The following TEFM variants were observed in gnomAD, a reference collection of about 807,000 sequenced individuals.
TEFM encodes transcription elongation factor of mitochondria.
A neutral mutation model predicts 23.0 loss-of-function variants in TEFM; 14 were observed. The ratio of observed to expected loss-of-function variants is 0.61; its 90% CI spans 0.40 to 0.95. The LOEUF (loss-of-function observed/expected upper bound fraction) is 0.95, where lower values mean the gene tolerates loss of function less well. TEFM is among the 40% of genes least tolerant of loss of function. The pLI, the probability that TEFM is intolerant of heterozygous loss-of-function variation, is 0.00. For missense variants in TEFM, 386 were observed against 425.5 expected (o/e 0.91, Z 0.82); for synonymous variants, 155 against 158.3 (o/e 0.98, Z 0.16).
chr17:30,903,622 A>C (rs900060961), intron 2 of TEFM, among the ~76,000 whole-genome samples: 5 of 152,058 alleles, frequency 3.3e-5, no homozygotes, highest in African/African-American at 1.2e-4. Flanking sequence ...TCTGCCGGAA[A>C]GACTGGTATA....
chr17:30,903,617 C>T (rs1380343304), intron 2 of TEFM, among the ~76,000 whole-genome samples: 5 of 151,402 alleles, frequency 3.3e-5, no homozygotes, highest in Non-Finnish European at 7.4e-5. Flanking sequence ...TAAATTCTGC[C>T]GGAAAGACTG....
chr17:30,906,113 A>G (rs2142478719), intron 1 of TEFM, 55 bp downstream of exon 1: 1 of 1,418,374 alleles, frequency 7.1e-7, no homozygotes, highest in Middle Eastern at 1.9e-4. Flanking sequence ...ATTAGCCTCT[A>G]GGGTCAGAGG....
intron 3 of TEFM, 113 bp from the exon 4 acceptor site, chr17:30,899,719 A>T: frequency 1.4e-6 from 1 of 725,264 alleles, no homozygotes; most frequent in South Asian, 3.7e-5. Context: ...AATTTATACT[A>T]TATTGACAAT....
In TEFM at chr17:30,899,829, C is replaced by T. The variant is rs535571949; in HGVS notation, c.646-223G>A. Reference sequence around the variant, plus strand: ...TAAGCTGTTTAGTCCTCCTAAGTACCAGTTTCTTGATCTGTACAGTGGACT... The same window carrying T: ...TAAGCTGTTTAGTCCTCCTAAGTACTAGTTTCTTGATCTGTACAGTGGACT... On this transcript the variant is annotated intron_variant, in intron 3 of 3. Coordinates refer to ENST00000581216, the MANE Select transcript of TEFM (RefSeq NM_024683.4). 1.6e-3 allele frequency: 592 copies of T among 372,354 alleles called. 2 individuals carry two copies. Among genetic ancestry groups the T allele is most frequent in the Non-Finnish European group, 2.3e-3 (489 of 211,604 alleles). 23.1% of individuals were successfully genotyped at this position (372,354 alleles called of 1,614,324 possible).
chr17:30,905,327 C>A (rs933607354), intron 1 of TEFM, among the ~76,000 whole-genome samples: 1 of 151,996 alleles, frequency 6.6e-6, no homozygotes, highest in Non-Finnish European at 1.5e-5. Flanking sequence ...TCGAGACCAG[C>A]CTGACCAACA....
Position 30,904,307 on chromosome 17 carries a change from A to G in TEFM, c.254T>C (p.Leu85Pro). ...TCCACGAAGCAATCGGAAAGCTTCA[A>G]GTTCTTTAGTAGATGCTGTATTCAA... The part of the protein sequence containing the change: ...HVLNTASTKE[L>P]EAFRLLRGRR... Residue 85 changes from leucine to proline, a missense_variant, in exon 2 of 4, where the codon CTT (leucine) becomes CCT (proline). Physicochemically the swap from Leu to Pro is moderately conservative, Grantham distance 98. Transcript: ENST00000581216. 6.2e-7 allele frequency: 1 copy of G among 1,614,248 alleles called. No individual in the cohort carries two copies. The highest frequency in any genetic ancestry group is 8.5e-7 in the Non-Finnish European group (1 of 1,180,046).
At chr17:30,901,635 A>G (rs1205346751) in intron 2 of TEFM, among the ~76,000 whole-genome samples, 1 of 152,224 alleles carries the variant, frequency 6.6e-6, no homozygotes, top group African/African-American at 2.4e-5. Context: ...CTGAATAGGA[A>G]AAGGGCAGAG....
At chr17:30,902,820 C>A (rs1910070453) in intron 2 of TEFM, among the ~76,000 whole-genome samples, 1 of 152,138 alleles carries the variant, frequency 6.6e-6, no homozygotes, top group Admixed American at 6.6e-5. Context: ...CAATGTTACA[C>A]AGGACATGAG....
At chr17:30,902,865 G>A (rs1381948390) in intron 2 of TEFM, among the ~76,000 whole-genome samples, 4 of 152,080 alleles carry the variant, frequency 2.6e-5, no homozygotes, top group South Asian at 2.1e-4. Flanking sequence ...TGCTGTGGCC[G>A]GGCGCAGTGT....
intron 1 of TEFM, among the ~76,000 whole-genome samples, chr17:30,905,089 AG>A (rs1910138886): frequency 6.6e-6 from 1 of 152,248 alleles, no homozygotes; most frequent in Non-Finnish European, 1.5e-5. Flanking sequence ...TTTATGGATC[AG>A]TCCGAAGTTT....
intron 2 of TEFM, among the ~76,000 whole-genome samples, chr17:30,903,136 C>CA (rs1173542105): frequency 0.06 from 4,001 of 66,868 alleles, 269 homozygotes; most frequent in African/African-American, 0.16. Flanking sequence ...GACTCTGTCT[C>CA]AAAAAAAAAA....
At position 30,900,498 on chromosome 17, in the gene TEFM, C is replaced by T. The variant is rs762776323; in HGVS notation, c.560G>A (p.Arg187His). The change falls in exon 3 of 4, where the codon CGT (arginine) becomes CAT (histidine). Residue 187 changes from arginine (R) to histidine (H), a missense_variant. Transcript: ENST00000581216. ...TRRIAWAHLDRKLTVLDWQQS... is the reference protein window; with the variant it reads ...TRRIAWAHLDHKLTVLDWQQS... Reference sequence around the variant, plus strand: ...CTGCCAGTCCAGCACTGTCAACTTACGATCAAGGTGAGCCCAGGCAATTCT... The same window carrying T: ...CTGCCAGTCCAGCACTGTCAACTTATGATCAAGGTGAGCCCAGGCAATTCT... 6 of 1,613,990 alleles carry T rather than the reference C, an allele frequency of 3.7e-6. No homozygotes were observed. The highest frequency in any genetic ancestry group is 4.5e-5 in the East Asian group (2 of 44,904).
At position 30,899,585 on chromosome 17, in the gene TEFM, T is replaced by C. The variant is rs1442248099; in HGVS notation, c.667A>G (p.Met223Val). 9.8e-6 allele frequency: 15 copies of C among 1,537,266 alleles called. No homozygotes were observed. Among genetic ancestry groups the C allele is most frequent in the Non-Finnish European group, 1.1e-5 (12 of 1,141,174 alleles). The change falls in exon 4 of 4, where the codon ATG becomes GTG. Residue 223 changes from methionine (M) to valine (V), a missense_variant. Coordinates refer to ENST00000581216, the MANE Select transcript of TEFM (RefSeq NM_024683.4). ...AGAACATAGAAATCTGCTTTAGGCA[T>C]CTTTGAAATGATCGAGGAAATCTTT... ...LEEISSIISK[M>V]PKADFYVLEK...
At position 30,899,461 on chromosome 17, in the gene TEFM, G is replaced by C; in HGVS notation, c.791C>G (p.Thr264Ser). Residue 264 changes from threonine to serine, a missense_variant, in exon 4 of 4, where the codon ACT (threonine) becomes AGT (serine). Transcript: ENST00000581216. The stretch of plus-strand genomic sequence containing the variant: ...CTGATGCTGCCCATCCTGGGCAAAA[G>C]TTTTATTTAATAAGGCATACAGCAT... ...EAMLYALLNK[T>S]FAQDGQHQVL... is the part of the protein sequence containing the mutation. 6.2e-7 allele frequency: 1 copy of C among 1,614,116 alleles called. No individual in the cohort carries two copies. Among genetic ancestry groups the C allele is most frequent in the Non-Finnish European group, 8.5e-7 (1 of 1,180,014 alleles).
At chr17:30,901,566 C>T (rs1390158896) in intron 2 of TEFM, among the ~76,000 whole-genome samples, 1 of 152,126 alleles carries the variant, frequency 6.6e-6, no homozygotes, top group Non-Finnish European at 1.5e-5. Flanking sequence ...AGTTATTTCA[C>T]CCAGATGTCT....
chr17:30,903,820 T>G (rs1055848921), intron 2 of TEFM, among the ~76,000 whole-genome samples: 1 of 152,146 alleles, frequency 6.6e-6, no homozygotes, highest in Non-Finnish European at 1.5e-5. Flanking sequence ...ATCCAAAGGA[T>G]CTCTCTTTTA....
chr17:30,899,442 C>T lies in TEFM; in HGVS notation c.810G>A (p.Gln270=). ...TTCGATTCATGCTCAGCACCTGATG[C>T]TGCCCATCCTGGGCAAAAGTTTTAT... is the stretch of plus-strand genomic sequence containing the variant. ...LLNKTFAQDG[Q]HQVLSMNRNA... The change falls in exon 4 of 4, where the codon CAG becomes CAA. Residue 270 remains glutamine, a synonymous_variant. Transcript: ENST00000581216. 6.2e-7 allele frequency: 1 copy of T among 1,614,226 alleles called. No homozygotes were observed. Among genetic ancestry groups the T allele is most frequent in the Non-Finnish European group, 8.5e-7 (1 of 1,180,040 alleles).
At chr17:30,900,689 C>T (rs1598008669) in intron 2 of TEFM, 127 bp from the exon 3 acceptor site, 2 of 776,290 alleles carry the variant, frequency 2.6e-6, no homozygotes, top group Admixed American at 2.9e-5. Context: ...ACAAGCTCCA[C>T]CTTCTGGGTT....
intron 2 of TEFM, among the ~76,000 whole-genome samples, chr17:30,902,879 A>G (rs1383051912): frequency 6.6e-6 from 1 of 151,738 alleles, no homozygotes; most frequent in Non-Finnish European, 1.5e-5. Flanking sequence ...GCAGTGTCTC[A>G]CACCTGTAAT....
Sources: gnomAD v4.1 joint callset for allele counts (sites outside exome capture counted in the v4.1 genomes callset) on GRCh38, gnomAD v4.1.1 for gene constraint, MANE v1.5 for transcripts, NCBI Gene and HGNC (gene_info 2026-07-23, HGNC 2026-07-21) for gene names.